MYO6: variants seen among roughly 807,000 people sequenced by gnomAD.
MYO6 encodes the protein unconventional myosin-VI.
Under a neutral mutation model 178.7 loss-of-function variants are expected in MYO6, and 74 were observed. The ratio of observed to expected loss-of-function variants is 0.41; its 90% confidence interval spans 0.34 to 0.50. The LOEUF (loss-of-function observed/expected upper bound fraction) is 0.50, where lower values mean the gene tolerates loss of function less well. Among genes scored for constraint, MYO6 ranks in the 20% least tolerant of loss-of-function variants. MYO6 has a pLI of 0.09. For synonymous variants in MYO6, 477 were observed against 504.6 expected (o/e 0.95, Z 0.73); for missense variants, 1,330 against 1,547.4 (o/e 0.86, Z 2.36).
intron 29 of MYO6, among the ~76,000 whole-genome samples, chr6:75,896,770 A>G (rs879382960): frequency 2.5e-4 from 38 of 152,208 alleles, no homozygotes; most frequent in Admixed American, 2.3e-3. Flanking sequence ...TGTTACCACA[A>G]TACTGCCCCA....
intron 27 of MYO6, among the ~76,000 whole-genome samples, chr6:75,891,631 C>CA (rs1210610089): frequency 2.7e-5 from 4 of 149,642 alleles, no homozygotes; most frequent in Non-Finnish European, 4.4e-5. Context: ...GACTCCATCT[C>CA]AAAAAAAATA....
chr6:75,778,657 T>C (rs1179685364), intron 1 of MYO6, among the ~76,000 whole-genome samples: 3 of 152,106 alleles, frequency 2.0e-5, no homozygotes, highest in Non-Finnish European at 4.4e-5. Flanking sequence ...AAAAAAGGCA[T>C]TGAAAGTGAA....
chr6:75,898,756 C>G (rs1230522460), intron 30 of MYO6, among the ~76,000 whole-genome samples: 1 of 152,076 alleles, frequency 6.6e-6, no homozygotes, highest in African/African-American at 2.4e-5. Flanking sequence ...TGCAACTCTC[C>G]CTGGGGTGGT....
intron 5 of MYO6, 149 bp downstream of exon 5, chr6:75,830,694 G>A (rs1316538261): frequency 1.3e-6 from 1 of 774,308 alleles, no homozygotes; most frequent in African/African-American, 1.8e-5. Flanking sequence ...AACATTGTTA[G>A]GAGCAAGTAT....
chr6:75,763,940 G>A (rs1293980693), intron 1 of MYO6, among the ~76,000 whole-genome samples: 1 of 152,188 alleles, frequency 6.6e-6, no homozygotes, highest in Non-Finnish European at 1.5e-5. Flanking sequence ...CAGATTCATT[G>A]TAATTTGTGC....
At chr6:75,852,943 C>T (rs181053576) in intron 11 of MYO6, among the ~76,000 whole-genome samples, 1 of 152,288 alleles carries the variant, frequency 6.6e-6, no homozygotes, top group East Asian at 1.9e-4. Flanking sequence ...AGCTTTTCCA[C>T]TTTACAAAGC....
chr6:75,787,697 TCTCTCTC>T (rs1767733740), intron 1 of MYO6, among the ~76,000 whole-genome samples: 1 of 56,830 alleles, frequency 1.8e-5, no homozygotes, highest in Non-Finnish European at 3.5e-5. Context: ...TCTCTCTCTC[TCTCTCTC>T]TCTCTCTCTC....
intron 1 of MYO6, among the ~76,000 whole-genome samples, chr6:75,780,803 A>ACTTTTTTTTTTT (rs1425506532): frequency 6.6e-6 from 1 of 151,602 alleles, no homozygotes; most frequent in Non-Finnish European, 1.5e-5. Context: ...GAGAGATTAA[A>ACTTTTTTTTTTT]CTTTTTTTTT....
chr6:75,887,639 C>CAAAAAAAAAA (rs71002772), intron 25 of MYO6, among the ~76,000 whole-genome samples: 1 of 107,936 alleles, frequency 9.3e-6, no homozygotes. Flanking sequence ...GACTCCATCT[C>CAAAAAAAAAA]AAAAAAAAAA....
rs36036090 is a variant in MYO6, at chr6:75,881,423, TCC to T, written c.2287-256_2287-255del. On this transcript the variant is annotated intron_variant, in intron 22 of 34. Coordinates refer to ENST00000369977, the MANE Select transcript of MYO6 (RefSeq NM_004999.4). The stretch of plus-strand genomic sequence containing the variant: ...CTAGCCATCTGTAATTTAAAAGTCA[TCC>T]CCCCCCCCCACTTTTGTTATTGAAT... Among the ~76,000 whole-genome samples the T allele has an allele frequency of 3.9e-3, 465 of 120,342 alleles. 7 individuals carry two copies. Among genetic ancestry groups the T allele is most frequent in the South Asian group, 6.5e-3 (21 of 3,244 alleles). The allele number at this position is 120,342 out of a possible 152,430, so 78.9% of individuals were successfully genotyped here.
At chr6:75,914,014 T>C (rs1272577936) in intron 33 of MYO6, 49 bp from the exon 34 acceptor site, 1 of 1,578,324 alleles carries the variant, frequency 6.3e-7, no homozygotes, top group Non-Finnish European at 8.7e-7. Context: ...AAAGGCTCTT[T>C]TCTTTTCCCT....
chr6:75,777,874 G>T (rs567592146), intron 1 of MYO6, among the ~76,000 whole-genome samples: 1 of 152,294 alleles, frequency 6.6e-6, no homozygotes, highest in South Asian at 2.1e-4. Flanking sequence ...GACCGTGGGA[G>T]ACAGTTTCAA....
At chr6:75,812,740 T>C (rs546447349) in intron 1 of MYO6, among the ~76,000 whole-genome samples, 1 of 152,298 alleles carries the variant, frequency 6.6e-6, no homozygotes, top group East Asian at 1.9e-4. Flanking sequence ...TTTAATGTAA[T>C]GACCTCCAGT....
chr6:75,860,102 A>G (rs1776078004), intron 14 of MYO6, among the ~76,000 whole-genome samples: 1 of 152,178 alleles, frequency 6.6e-6, no homozygotes, highest in South Asian at 2.1e-4. Context: ...TTTCCTTGTC[A>G]TGCCACCTTT....
At chr6:75,756,077 A>G (rs1028512416) in intron 1 of MYO6, among the ~76,000 whole-genome samples, 2 of 152,158 alleles carry the variant, frequency 1.3e-5, no homozygotes, top group Admixed American at 6.5e-5. Context: ...TCACACTTTT[A>G]GCAAAGAAAA....
At chr6:75,908,376 A>AT in intron 31 of MYO6, 120 bp from the exon 32 acceptor site, 1 of 906,548 alleles carries the variant, frequency 1.1e-6, no homozygotes, top group South Asian at 1.6e-5. Flanking sequence ...CTTACTTTTG[A>AT]TTTTGTACCA....
intron 1 of MYO6, among the ~76,000 whole-genome samples, chr6:75,764,597 C>T (rs1263533740): frequency 6.6e-6 from 1 of 152,060 alleles, no homozygotes; most frequent in African/African-American, 2.4e-5. Context: ...TAGCGAGGGG[C>T]TTTGTAAGGT....
intron 1 of MYO6, among the ~76,000 whole-genome samples, chr6:75,751,228 A>G (rs1324437263): frequency 2.0e-5 from 3 of 152,184 alleles, no homozygotes; most frequent in African/African-American, 2.4e-5. Context: ...AATTGCATCC[A>G]CTTTGGTAAA....
chr6:75,833,032 G>T, intron 6 of MYO6, 85 bp downstream of exon 6: 1 of 935,806 alleles, frequency 1.1e-6, no homozygotes, highest in South Asian at 1.3e-5. Flanking sequence ...TGTCACCCAG[G>T]GTGGAATGCA....
Sources: gnomAD v4.1 joint callset for allele counts (sites outside exome capture counted in the v4.1 genomes callset) on GRCh38, gnomAD v4.1.1 for gene constraint, MANE v1.5 for transcripts, NCBI Gene and HGNC (gene_info 2026-07-23, HGNC 2026-07-21) for gene names.